PTPRJ: variants seen among roughly 807,000 people sequenced by gnomAD.
PTPRJ encodes protein tyrosine phosphatase receptor type J.
PTPRJ carries 129 observed loss-of-function variants against 141.3 expected under a neutral mutation model. The ratio of observed to expected loss-of-function variants is 0.91; its 90% CI spans 0.79 to 1.06. The LOEUF (loss-of-function observed/expected upper bound fraction) is 1.06, where lower values mean the gene tolerates loss of function less well. PTPRJ is among the 50% of genes least tolerant of loss of function. The pLI is 0.00. For synonymous variants in PTPRJ, 610 were observed against 640.5 expected (o/e 0.95, Z 0.72); for missense variants, 1,601 against 1,679.7 (o/e 0.95, Z 0.82).
intron 2 of PTPRJ, among the ~76,000 whole-genome samples, chr11:48,110,778 T>G (rs1334249115): frequency 6.6e-6 from 1 of 152,196 alleles, no homozygotes; most frequent in East Asian, 1.9e-4. Flanking sequence ...CTTTGGAAAA[T>G]GAGACCTGGA....
intron 22 of PTPRJ, among the ~76,000 whole-genome samples, chr11:48,161,623 CT>C (rs1277864057): frequency 2.7e-5 from 4 of 150,938 alleles, no homozygotes; most frequent in Non-Finnish European, 5.9e-5. Flanking sequence ...TCTTTTTTTT[CT>C]TTTTTTGAGA....
At chr11:48,050,428 T>C (rs1283681314) in intron 1 of PTPRJ, among the ~76,000 whole-genome samples, 2 of 152,102 alleles carry the variant, frequency 1.3e-5, no homozygotes, top group East Asian at 3.9e-4. Flanking sequence ...AAGTCCATAG[T>C]TTCTGTTAGA....
chr11:48,034,461 C>A (rs1388702705), intron 1 of PTPRJ, among the ~76,000 whole-genome samples: 1 of 152,096 alleles, frequency 6.6e-6, no homozygotes, highest in Non-Finnish European at 1.5e-5. Context: ...ATACTAGGAA[C>A]TGTTGCTTTG....
At position 48,169,584 on chromosome 11, in the gene PTPRJ, AAT is replaced by A. The variant is rs1336211504; in HGVS notation, c.*2225_*2226del. On this transcript the variant is annotated 3_prime_UTR_variant, in exon 25 of 25. Coordinates refer to ENST00000418331, the MANE Select transcript of PTPRJ (RefSeq NM_002843.4). ...TGTGGGCTGTGGCCCTCTCCCCTCC[AAT>A]ATGTCCGAAACCATTGTGATGGGTG... 1.3e-5 allele frequency: 2 copies of A among 152,166 alleles called. No homozygotes were observed. Among genetic ancestry groups the A allele is most frequent in the Admixed American group, 6.5e-5 (1 of 15,278 alleles). The allele number at this position is 152,166 out of a possible 1,614,324, so 9.4% of individuals were successfully genotyped here. A position where few individuals can be genotyped will look rare whatever the true frequency, so the allele number is the denominator to read the frequency against.
At chr11:48,071,607 CTTTTTT>C (rs35993560) in intron 1 of PTPRJ, among the ~76,000 whole-genome samples, 14 of 82,450 alleles carry the variant, frequency 1.7e-4, no homozygotes, top group Admixed American at 5.9e-4. Context: ...CGCACCCAGC[CTTTTTT>C]TTTTTTTTTT....
chr11:48,093,789 G>C (rs1855932961), intron 1 of PTPRJ, among the ~76,000 whole-genome samples: 1 of 149,114 alleles, frequency 6.7e-6, no homozygotes, highest in African/African-American at 2.5e-5. Context: ...AGATTTTGCT[G>C]CCCTAAAAAA....
At chr11:48,136,831 A>G (rs976159135) in intron 9 of PTPRJ, among the ~76,000 whole-genome samples, 172 bp from the exon 10 acceptor site, 1 of 152,210 alleles carries the variant, frequency 6.6e-6, no homozygotes, top group Admixed American at 6.5e-5. Flanking sequence ...CTTAATCTGT[A>G]TAATTATTTT....
chr11:48,036,846 G>A (rs537699453), intron 1 of PTPRJ, among the ~76,000 whole-genome samples: 31 of 152,278 alleles, frequency 2.0e-4, no homozygotes, highest in Admixed American at 5.2e-4. Flanking sequence ...GCTCCACACC[G>A]GTGAGCTGCT....
intron 1 of PTPRJ, among the ~76,000 whole-genome samples, chr11:48,010,618 A>G (rs576600983): frequency 1.3e-4 from 20 of 151,246 alleles, no homozygotes; most frequent in African/African-American, 4.4e-4. Context: ...GCGCACTGCA[A>G]CCTCCGCCTC....
At chr11:48,046,893 T>C (rs1445248847) in intron 1 of PTPRJ, among the ~76,000 whole-genome samples, 15 of 88,390 alleles carry the variant, frequency 1.7e-4, no homozygotes, top group Non-Finnish European at 1.9e-4. Context: ...TGTTTACATA[T>C]ATATATATAT....
At chr11:47,982,183 C>T (rs1040740394) in intron 1 of PTPRJ, among the ~76,000 whole-genome samples, 15 of 152,226 alleles carry the variant, frequency 9.9e-5, no homozygotes, top group Admixed American at 6.5e-4. Context: ...TCTCTCCTCG[C>T]AGTTTCCCCA....
At chr11:48,086,562 G>C (rs914680322) in intron 1 of PTPRJ, among the ~76,000 whole-genome samples, 8 of 152,218 alleles carry the variant, frequency 5.3e-5, no homozygotes, top group Non-Finnish European at 1.0e-4. Flanking sequence ...CATTCATCCT[G>C]GGTCCCAGAC....
chr11:48,157,597 T>C (rs78379146), intron 21 of PTPRJ, among the ~76,000 whole-genome samples: 5,121 of 152,268 alleles, frequency 0.034, 131 homozygotes, highest in Non-Finnish European at 0.052. Context: ...ACACTTGGAG[T>C]GGTACTGTCC....
intron 1 of PTPRJ, among the ~76,000 whole-genome samples, chr11:47,985,013 C>A (rs911093372): frequency 6.6e-6 from 1 of 151,652 alleles, no homozygotes. Context: ...CCGCCATGCC[C>A]AGTTAATTTT....
intron 1 of PTPRJ, among the ~76,000 whole-genome samples, chr11:48,075,703 G>A (rs1044886751): frequency 6.6e-6 from 1 of 152,140 alleles, no homozygotes; most frequent in African/African-American, 2.4e-5. Flanking sequence ...AGAGTGCTGC[G>A]ATTACAGGCG....
At chr11:48,005,396 T>C (rs1026129259) in intron 1 of PTPRJ, among the ~76,000 whole-genome samples, 17 of 152,204 alleles carry the variant, frequency 1.1e-4, no homozygotes, top group Admixed American at 3.9e-4. Flanking sequence ...ATTTGCTTTC[T>C]GTTTCTGTGA....
intron 1 of PTPRJ, among the ~76,000 whole-genome samples, chr11:48,007,973 TTCTG>T (rs944544978): frequency 6.6e-6 from 1 of 152,240 alleles, no homozygotes; most frequent in Non-Finnish European, 1.5e-5. Context: ...TCCTGGTTCT[TTCTG>T]CCCCCTTCTT....
intron 1 of PTPRJ, among the ~76,000 whole-genome samples, chr11:48,037,459 A>T (rs1301870674): frequency 6.6e-6 from 1 of 152,184 alleles, no homozygotes; most frequent in East Asian, 1.9e-4. Context: ...GTCCCACAGA[A>T]TACCTACTGA....
chr11:47,980,953 C>G lies in PTPRJ; in HGVS notation c.41C>G (p.Ser14Trp). ...AAREARLPPR[S>W]PGLRWALPLL... is the part of the protein sequence containing the mutation. ...CGGGAGGCGCGGCTGCCTCCGCGCT[C>G]GCCCGGGCTGCGCTGGGCGCTGCCG... The change falls in exon 1 of 25, where the codon TCG (serine) becomes TGG (tryptophan). Residue 14 changes from serine (S) to tryptophan (W), a missense_variant. Ser to Trp is a radical substitution (Grantham distance 177, BLOSUM62 -3). Transcript: ENST00000418331. The G allele has an allele frequency of 8.3e-7, 1 of 1,197,782 alleles. No homozygotes were observed. Among genetic ancestry groups the G allele is most frequent in the East Asian group, 3.4e-5 (1 of 29,034 alleles). The allele number at this position is 1,197,782 out of a possible 1,614,324, so 74.2% of individuals were successfully genotyped here. A position where few individuals can be genotyped will look rare whatever the true frequency, so the allele number is the denominator to read the frequency against.
Sources: gnomAD v4.1 joint callset for allele counts (sites outside exome capture counted in the v4.1 genomes callset) on GRCh38, gnomAD v4.1.1 for gene constraint, MANE v1.5 for transcripts, NCBI Gene and HGNC (gene_info 2026-07-23, HGNC 2026-07-21) for gene names.